MIA2: variants seen among roughly 807,000 people sequenced by gnomAD.
MIA2 encodes MIA SH3 domain ER export factor 2.
MIA2 carries 127 observed loss-of-function variants against 167.8 expected under a neutral mutation model. The ratio of observed to expected loss-of-function variants is 0.76; its 90% confidence interval spans 0.66 to 0.88. The LOEUF is 0.88. Ranked by LOEUF, MIA2 falls within the 40% of genes least tolerant of loss-of-function variation. The probability of loss-of-function intolerance (pLI) is 0.00; values close to 1 mark genes in which losing one functional copy is unlikely to be tolerated. For missense variants in MIA2, 1,690 were observed against 1,624.7 expected, an observed-to-expected ratio of 1.04 and a Z score of -0.69; for synonymous variants, 552 against 541.9, an observed-to-expected ratio of 1.02 and a Z score of -0.26.
chr14:39,371,708 G>A (rs1311351390), intron 23 of MIA2, among the ~76,000 whole-genome samples: 1 of 152,190 alleles, frequency 6.6e-6, no homozygotes. Context: ...ACGGAAATAC[G>A]ACTCAAACTG....
downstream of MIA2, among the ~76,000 whole-genome samples, chr14:39,355,504 A>G (rs1305746389): frequency 2.6e-5 from 4 of 152,154 alleles, no homozygotes; most frequent in African/African-American, 9.7e-5. Flanking sequence ...GCAAACAGGG[A>G]CAATTTGACT....
intron 23 of MIA2, among the ~76,000 whole-genome samples, chr14:39,362,207 T>C (rs1017967396): frequency 4.6e-5 from 7 of 152,214 alleles, no homozygotes; most frequent in African/African-American, 1.7e-4. Flanking sequence ...CCTTATAGAA[T>C]GAGTTAGGGA....
At position 39,277,776 on chromosome 14, in the gene MIA2, A is replaced by ATATATATATATATATATT. The variant is rs1555358832; in HGVS notation, c.2019+716_2019+717insATATATATATATTTATAT. Among the ~76,000 whole-genome samples the ATATATATATATATATATT allele has an allele frequency of 3.9e-4, 14 of 35,772 alleles. 2 individuals carry two copies. Among genetic ancestry groups the ATATATATATATATATATT allele is most frequent in the Admixed American group, 1.8e-3 (4 of 2,276 alleles). 23.5% of individuals were successfully genotyped at this position (35,772 alleles called of 152,430 possible). A position where few individuals can be genotyped will look rare whatever the true frequency, so the allele number is the denominator to read the frequency against. On this transcript the variant is annotated intron_variant, in intron 7 of 28. Coordinates refer to ENST00000640607, the MANE Select transcript of MIA2 (RefSeq NM_001329214.4). ...TATATATATATATATATATATATAT[A>ATATATATATATATATATT]TATATTTATATTTAAAGAGATGGGG...
intron 25 of MIA2, among the ~76,000 whole-genome samples, chr14:39,327,444 G>T (rs183238208): frequency 6.0e-4 from 91 of 152,242 alleles, no homozygotes; most frequent in African/African-American, 2.2e-3. Context: ...ACTCTGTGCA[G>T]TTGTACCATT....
intron 23 of MIA2, among the ~76,000 whole-genome samples, chr14:39,362,065 A>G (rs1444548478): frequency 3.3e-5 from 5 of 152,196 alleles, no homozygotes; most frequent in African/African-American, 1.2e-4. Context: ...TTACTTTATG[A>G]TATGCTTTTT....
chr14:39,286,470 T>C (rs73277440), intron 9 of MIA2, among the ~76,000 whole-genome samples: 2,910 of 152,204 alleles, frequency 0.019, 102 homozygotes, highest in African/African-American at 0.067. Flanking sequence ...GGAGATTGTT[T>C]TCTAGATTTC....
At chr14:39,269,219 A>G (rs1322192766) in intron 6 of MIA2, among the ~76,000 whole-genome samples, 1 of 151,720 alleles carries the variant, frequency 6.6e-6, no homozygotes, top group African/African-American at 2.4e-5. Context: ...CATAAAATTC[A>G]TCCTTTTATA....
Position 39,359,604 on chromosome 14 carries a change from T to C in MIA2, c.2248+10627T>C, listed in dbSNP as rs553534353. Among the ~76,000 whole-genome samples, 3 of 152,278 alleles carry C rather than the reference T, an allele frequency of 2.0e-5. No homozygotes were observed. The East Asian group carries it at 5.8e-4, about 29-fold the overall frequency. ...TCCCCAGTGAGATGAACCCGGTACC[T>C]CTATTGGAAATGCAGAAATCACCTG... On this transcript the variant is annotated intron_variant, in intron 23 of 23. Transcript: ENST00000341502.
intron 11 of MIA2, 110 bp from the exon 12 acceptor site, chr14:39,293,890 T>G (rs1428485501): frequency 2.0e-5 from 16 of 799,760 alleles, no homozygotes; most frequent in Non-Finnish European, 3.3e-5. Flanking sequence ...TTTCTTAATT[T>G]GAGCTTCACT....
intron 23 of MIA2, among the ~76,000 whole-genome samples, chr14:39,363,533 A>T (rs2074744327): frequency 6.6e-6 from 1 of 152,106 alleles, no homozygotes; most frequent in African/African-American, 2.4e-5. Context: ...TGTCTCAAAT[A>T]AAAAAAATCT....
intron 23 of MIA2, among the ~76,000 whole-genome samples, chr14:39,362,285 G>T (rs558595282): frequency 6.6e-6 from 1 of 152,222 alleles, no homozygotes; most frequent in African/African-American, 2.4e-5. Context: ...TTATAAGTTT[G>T]CTAGAATTTG....
At chr14:39,236,271 C>T (rs189424819) in intron 1 of MIA2, among the ~76,000 whole-genome samples, 1 of 152,250 alleles carries the variant, frequency 6.6e-6, no homozygotes. Flanking sequence ...AATAATCAGG[C>T]TGCTTCATAG....
At chr14:39,326,758 C>G (rs1332818781) in intron 24 of MIA2, 106 bp from the exon 25 acceptor site, 1 of 1,007,756 alleles carries the variant, frequency 9.9e-7, no homozygotes, top group East Asian at 3.1e-5. Flanking sequence ...ATTTTTCAGA[C>G]TTTGTATTTA....
chr14:39,260,660 C>G (rs1305898025), intron 6 of MIA2, among the ~76,000 whole-genome samples: 1 of 152,124 alleles, frequency 6.6e-6, no homozygotes, highest in African/African-American at 2.4e-5. Flanking sequence ...TTTAGGTTGC[C>G]TGTTCACTCT....
intron 6 of MIA2, among the ~76,000 whole-genome samples, chr14:39,269,786 G>T (rs573455884): frequency 5.5e-4 from 83 of 152,286 alleles, no homozygotes; most frequent in South Asian, 8.3e-4. Context: ...CTCCAAAAAT[G>T]CTGGGATTAC....
At chr14:39,300,138 G>T in intron 14 of MIA2, 152 bp downstream of exon 14, 1 of 901,926 alleles carries the variant, frequency 1.1e-6, no homozygotes, top group Non-Finnish European at 1.6e-6. Flanking sequence ...AAGACTTACA[G>T]ATTTGTCATA....
At chr14:39,316,670 A>T (rs1200700125) in intron 21 of MIA2, among the ~76,000 whole-genome samples, 1 of 152,164 alleles carries the variant, frequency 6.6e-6, no homozygotes, top group African/African-American at 2.4e-5. Context: ...CAGTTGTAAG[A>T]TTCTGTATGC....
chr14:39,248,020 C>A lies in MIA2; in HGVS notation c.1446C>A (p.Pro482=). The A allele has an allele frequency of 6.4e-7, 1 of 1,572,734 alleles. No homozygotes were observed. The highest frequency in any genetic ancestry group is 8.6e-7 in the Non-Finnish European group (1 of 1,168,608). Residue 482 remains proline, a synonymous_variant, in exon 4 of 29, where the codon CCC becomes CCA. Coordinates refer to ENST00000640607, the MANE Select transcript of MIA2 (RefSeq NM_001329214.4). ...NIPKETELPF[P]KQILDQNNVI... ...CAAAGGAAACAGAATTGCCATTTCC[C>A]AAACAGATACTGGATCAAAATAATG... is the stretch of plus-strand genomic sequence containing the variant.
chr14:39,297,317 C>G (rs1304180151), intron 13 of MIA2, among the ~76,000 whole-genome samples: 1 of 151,922 alleles, frequency 6.6e-6, no homozygotes, highest in African/African-American at 2.4e-5. Flanking sequence ...GTCTTGAACT[C>G]TTGACCTCAA....
Sources: allele counts gnomAD v4.1 joint callset (sites outside exome capture counted in the v4.1 genomes callset), GRCh38; gene constraint gnomAD v4.1.1; transcripts MANE v1.5; gene names NCBI Gene and HGNC (gene_info 2026-07-23, HGNC 2026-07-21).